TIAM1: variants seen among roughly 807,000 people sequenced by gnomAD.
TIAM1 encodes the protein TIAM Rac1 associated GEF 1.
In TIAM1, 65 loss-of-function variants were observed where a neutral mutation model predicts 163.5. The observed-to-expected ratio is 0.40, with a 90% CI of 0.33 to 0.49. The LOEUF is 0.49. TIAM1 is among the 20% of genes least tolerant of loss of function. TIAM1 has a pLI of 0.77. For missense variants in TIAM1, 1,789 were observed against 2,044.7 expected, an observed-to-expected ratio of 0.87 and a Z score of 2.41; for synonymous variants, 833 against 810.1, an observed-to-expected ratio of 1.03 and a Z score of -0.48.
At chr21:31,480,725 ACATT>A (rs59321897) in intron 1 of TIAM1, among the ~76,000 whole-genome samples, 4 of 152,042 alleles carry the variant, frequency 2.6e-5, no homozygotes, top group East Asian at 1.9e-4. Flanking sequence ...GGATTCAACA[ACATT>A]CATTCATTCA....
rs138592191 is a variant in TIAM1 at position 31,456,916 on chromosome 21, T to C, written c.-369+7067A>G. ...CTCTCTCTCCTTCTCTCACAGTTGT[T>C]GTGTTCAAATCAGGATCCATACAAG... On this transcript the variant is annotated intron_variant, in intron 2 of 28. Transcript: ENST00000286827. Among the ~76,000 whole-genome samples the C allele has an allele frequency of 2.6e-3, 395 of 152,340 alleles. 5 individuals are homozygous for C. Among genetic ancestry groups the C allele is most frequent in the African/African-American group, 8.4e-3 (350 of 41,582 alleles).
intron 20 of TIAM1, among the ~76,000 whole-genome samples, chr21:31,142,186 T>C (rs1478152214): frequency 1.3e-5 from 2 of 151,916 alleles, no homozygotes; most frequent in Non-Finnish European, 2.9e-5. Context: ...GAACTGTGAG[T>C]GACAAACTAA....
At chr21:31,160,418 T>C (rs947527242) in intron 16 of TIAM1, 6 of 398,484 alleles carry the variant, frequency 1.5e-5, no homozygotes, top group Admixed American at 8.8e-5. Flanking sequence ...CCTAGCAAGA[T>C]AGGATTCAAA....
At chr21:31,125,338 G>A (rs776716843) in intron 26 of TIAM1, among the ~76,000 whole-genome samples, 53 of 151,704 alleles carry the variant, frequency 3.5e-4, no homozygotes, top group Middle Eastern at 3.2e-3. Context: ...TACGGCATCC[G>A]TGTAGGCAGG....
chr21:31,507,884 T>G (rs996569001), intron 1 of TIAM1, among the ~76,000 whole-genome samples: 2 of 152,238 alleles, frequency 1.3e-5, no homozygotes, highest in Non-Finnish European at 2.9e-5. Flanking sequence ...GCTGAAGTCC[T>G]ACCTGTCCTA....
At position 31,508,891 on chromosome 21, in the gene TIAM1, T is replaced by C. The variant is rs147557014; in HGVS notation, c.-421-44856A>G. On this transcript the variant is annotated intron_variant, in intron 1 of 28. Transcript: ENST00000286827. ...CCATGGGAGACCTATGCGCACACTA[T>C]TGGTATTAAGATATGACTTGCTGCA... Among the ~76,000 whole-genome samples the C allele has an allele frequency of 5.3e-3, 814 of 152,186 alleles. 7 individuals are homozygous for C. Among genetic ancestry groups the C allele is most frequent in the African/African-American group, 0.019 (786 of 41,514 alleles).
At chr21:31,472,169 G>C (rs763539381) in intron 1 of TIAM1, among the ~76,000 whole-genome samples, 2 of 152,112 alleles carry the variant, frequency 1.3e-5, no homozygotes, top group Non-Finnish European at 2.9e-5. Flanking sequence ...CCATAAATCA[G>C]GATGATCATA....
intron 10 of TIAM1, among the ~76,000 whole-genome samples, chr21:31,212,435 AGGCTCCCAGTAT>A (rs1372007758): frequency 6.6e-6 from 1 of 152,024 alleles, no homozygotes; most frequent in East Asian, 1.9e-4. Context: ...CCACACAAAC[AGGCTCCCAGTAT>A]CACTACTAGG....
chr21:31,415,525 T>A (rs1409513165), intron 2 of TIAM1, among the ~76,000 whole-genome samples: 1 of 152,206 alleles, frequency 6.6e-6, no homozygotes, highest in Non-Finnish European at 1.5e-5. Flanking sequence ...CAGTTACTGA[T>A]GCTAGGACCC....
chr21:31,281,934 T>C (rs1049420616), intron 2 of TIAM1, among the ~76,000 whole-genome samples: 2 of 152,172 alleles, frequency 1.3e-5, no homozygotes, highest in East Asian at 3.8e-4. Flanking sequence ...TAGAAAATTT[T>C]AAGTGGCTCA....
At chr21:31,398,906 T>C (rs187280609) in intron 2 of TIAM1, among the ~76,000 whole-genome samples, 1 of 152,378 alleles carries the variant, frequency 6.6e-6, no homozygotes, top group Admixed American at 6.5e-5. Flanking sequence ...ATGGGCCCGG[T>C]GGCTCACGCC....
intron 2 of TIAM1, among the ~76,000 whole-genome samples, chr21:31,365,113 T>C (rs894007103): frequency 1.3e-5 from 2 of 152,110 alleles, no homozygotes; most frequent in African/African-American, 4.8e-5. Context: ...CTTACAAGAA[T>C]CAGTGGAATT....
At chr21:31,396,808 G>A (rs150908718) in intron 2 of TIAM1, among the ~76,000 whole-genome samples, 2,492 of 151,740 alleles carry the variant, frequency 0.016, 61 homozygotes, top group African/African-American at 0.054. Context: ...AAAATTAGCC[G>A]GGCCTGGTAG....
rs199579953 is a variant in TIAM1, at chr21:31,243,211, T to A, written c.1584+2277A>T. On this transcript the variant is annotated intron_variant, in intron 6 of 27. Coordinates refer to ENST00000541036, the MANE Select transcript of TIAM1 (RefSeq NM_001353694.2). ...TCATCTCAAAAAAAAAAAAAAAAAA[T>A]ATATATATATATATGTATATTTCAT... Among the ~76,000 whole-genome samples, 394 of 126,428 alleles carry A rather than the reference T, an allele frequency of 3.1e-3. 1 individual carries two copies. The highest frequency in any genetic ancestry group is 8.6e-3 in the African/African-American group (292 of 34,038). 82.9% of individuals were successfully genotyped at this position (126,428 alleles called of 152,430 possible).
chr21:31,418,208 G>A (rs1310648002), intron 2 of TIAM1, among the ~76,000 whole-genome samples: 1 of 151,908 alleles, frequency 6.6e-6, no homozygotes, highest in Non-Finnish European at 1.5e-5. Context: ...AGGGCGTGGT[G>A]GCACACGCCT....
intron 2 of TIAM1, among the ~76,000 whole-genome samples, chr21:31,279,233 C>T (rs79731706): frequency 0.091 from 13,790 of 152,164 alleles, 1,652 homozygotes; most frequent in African/African-American, 0.28. Context: ...TTCTTTCTGA[C>T]TTTCGTGGGG....
intron 2 of TIAM1, among the ~76,000 whole-genome samples, chr21:31,457,382 G>T (rs1046933199): frequency 2.6e-4 from 39 of 152,156 alleles, no homozygotes; most frequent in Non-Finnish European, 4.9e-4. Context: ...TGACAGCAAT[G>T]ACAACGACAT....
chr21:31,484,828 T>C (rs1321884185), intron 1 of TIAM1, among the ~76,000 whole-genome samples: 1 of 152,150 alleles, frequency 6.6e-6, no homozygotes, highest in Admixed American at 6.5e-5. Flanking sequence ...CCTAGCCCCT[T>C]AGGTGATGGT....
At chr21:31,184,989 A>G (rs1456334280) in intron 14 of TIAM1, among the ~76,000 whole-genome samples, 1 of 151,464 alleles carries the variant, frequency 6.6e-6, no homozygotes, top group Non-Finnish European at 1.5e-5. Flanking sequence ...ACTACCCAGA[A>G]CTCAGCTGAA....
Sources: allele counts gnomAD v4.1 joint callset (sites outside exome capture counted in the v4.1 genomes callset), GRCh38; gene constraint gnomAD v4.1.1; transcripts MANE v1.5; gene names NCBI Gene and HGNC (gene_info 2026-07-23, HGNC 2026-07-21).